The following RBFOX3 variants were observed in gnomAD, a reference collection of about 807,000 sequenced individuals.
The protein encoded by RBFOX3 is RNA binding fox-1 homolog 3, also known as RNA binding protein fox-1 homolog 3.
Under a neutral mutation model 48.7 loss-of-function variants are expected in RBFOX3, and 17 were observed. That is an observed-to-expected ratio of 0.35 (90% CI 0.24 to 0.52). The LOEUF (loss-of-function observed/expected upper bound fraction) is 0.52. Among genes scored for constraint, RBFOX3 ranks in the 20% least tolerant of loss-of-function variants. The pLI is 0.94. For missense variants in RBFOX3, 382 were observed against 497.5 expected, an observed-to-expected ratio of 0.77 and a Z score of 2.21; for synonymous variants, 212 against 209.5, an observed-to-expected ratio of 1.01 and a Z score of -0.10.
Position 79,130,784 on chromosome 17 carries a change from C to T in RBFOX3, c.-33-15036G>A, listed in dbSNP as rs142220256. 1.8e-4 allele frequency among the ~76,000 whole-genome samples: 27 copies of T among 152,374 alleles called. No homozygotes were observed. In the East Asian group the frequency reaches 4.8e-3, roughly 27 times the overall value. On this transcript the variant is annotated intron_variant, in intron 4 of 14. Transcript: ENST00000693108. Reference sequence around the variant, plus strand: ...GAGTGGAGTGCCCTGTCCTTCAGCCCGGGCTTGGTGCGGGATGGGGCCTGC... The same window carrying T: ...GAGTGGAGTGCCCTGTCCTTCAGCCTGGGCTTGGTGCGGGATGGGGCCTGC...
chr17:79,205,297 G>T lies in RBFOX3; in HGVS notation c.-34+30469C>A, dbSNP rs922093365. Reference sequence around the variant, plus strand: ...AACACCATCATTTCTGCCAGTTAGAGTGGGGGTCCACAGAAACCCAGGGAT... The same window carrying T: ...AACACCATCATTTCTGCCAGTTAGATTGGGGGTCCACAGAAACCCAGGGAT... On this transcript the variant is annotated intron_variant, in intron 4 of 14. Coordinates refer to ENST00000693108, the MANE Select transcript of RBFOX3 (RefSeq NM_001350451.2). This position sits in a 1 kb window ranked among gnomAD's most constrained non-coding sequence, Gnocchi z 4.5. 1.3e-5 allele frequency among the ~76,000 whole-genome samples: 2 copies of T among 152,146 alleles called. No individual in the cohort carries two copies. The highest frequency in any genetic ancestry group is 4.8e-5 in the African/African-American group (2 of 41,422).
rs1249618769 is a variant in RBFOX3 at position 79,103,930 on chromosome 17, G to A, written c.414+143C>T. On this transcript the variant is annotated intron_variant, in intron 7 of 14. Transcript: ENST00000693108. The surrounding 1 kb of genome is among the most constrained non-coding windows in gnomAD (Gnocchi z 6.1). ...GGGTGGGGGCGGGGCGGGTGGGGGC[G>A]GAAGAGCGGGGAATACAAGCACCCG... 1.0e-4 allele frequency: 70 copies of A among 685,898 alleles called. No individual in the cohort carries two copies. The Middle Eastern group carries it at 1.2e-3, about 12-fold the overall frequency. The allele number at this position is 685,898 out of a possible 1,614,324, so 42.5% of individuals were successfully genotyped here. A position where few individuals can be genotyped will look rare whatever the true frequency, so the allele number is the denominator to read the frequency against.
intron 2 of RBFOX3, among the ~76,000 whole-genome samples, chr17:79,341,411 C>A (rs1003616369): frequency 2.0e-5 from 3 of 152,254 alleles, no homozygotes; most frequent in Non-Finnish European, 2.9e-5. Context: ...TTGTTTACAA[C>A]TTCCCATTAT....
chr17:79,530,633 A>G (rs1242814731), intron 1 of RBFOX3, among the ~76,000 whole-genome samples: 5 of 152,116 alleles, frequency 3.3e-5, no homozygotes, highest in Non-Finnish European at 7.4e-5. Context: ...GATCAGCGCC[A>G]GCCTGTGTAG....
At chr17:79,621,486 C>T in the RBFOX3 span, among the ~76,000 whole-genome samples, 10 of 152,296 alleles carry the variant, frequency 6.6e-5, no homozygotes, top group South Asian at 4.1e-4. Flanking sequence ...AGTAAAAGCA[C>T]GTCTCTACCA....
At chr17:79,509,723 C>T (rs1432891437) in intron 1 of RBFOX3, among the ~76,000 whole-genome samples, 1 of 151,926 alleles carries the variant, frequency 6.6e-6, no homozygotes, top group African/African-American at 2.4e-5. Context: ...CCCTCGGTGA[C>T]AGCTGGGGTA....
At chr17:79,310,309 C>T (rs1053637926) in intron 2 of RBFOX3, among the ~76,000 whole-genome samples, 1 of 152,106 alleles carries the variant, frequency 6.6e-6, no homozygotes, top group African/African-American at 2.4e-5. Context: ...GGGTCCAGGC[C>T]CTTCACAGTC....
rs758394514 is a variant in RBFOX3, at chr17:79,363,352, C to T, written c.-174-55528G>A. On this transcript the variant is annotated intron_variant, in intron 2 of 14. Coordinates refer to ENST00000693108, the MANE Select transcript of RBFOX3 (RefSeq NM_001350451.2). The surrounding 1 kb of genome is among the most constrained non-coding windows in gnomAD (Gnocchi z 4.7). ...CTCTTGGCAACGCCAGGGAGAGGAACAGGATTCCTGGGATACCCAGGAAGT... is the reference window on the plus strand; with the variant it reads ...CTCTTGGCAACGCCAGGGAGAGGAATAGGATTCCTGGGATACCCAGGAAGT... 1.3e-5 allele frequency among the ~76,000 whole-genome samples: 2 copies of T among 152,126 alleles called. No homozygotes were observed. The highest frequency in any genetic ancestry group is 2.4e-5 in the African/African-American group (1 of 41,412).
At chr17:79,537,131 A>C (rs1276325345) in intron 1 of RBFOX3, among the ~76,000 whole-genome samples, 1 of 151,200 alleles carries the variant, frequency 6.6e-6, no homozygotes, top group East Asian at 1.9e-4. Flanking sequence ...AAAAAAAAAA[A>C]CCAAAAAAGC....
the RBFOX3 span, among the ~76,000 whole-genome samples, chr17:79,640,911 A>AT: frequency 5.9e-5 from 9 of 152,178 alleles, no homozygotes; most frequent in Non-Finnish European, 1.0e-4. Context: ...ATTTTTTTGG[A>AT]TATGACACCA....
rs777299657 is a variant in RBFOX3, at chr17:79,254,528, T to TGAG, written c.-73-18726_-73-18724dup. On this transcript the variant is annotated intron_variant, in intron 3 of 14. Coordinates refer to ENST00000693108, the MANE Select transcript of RBFOX3 (RefSeq NM_001350451.2). The surrounding 1 kb of genome is among the most constrained non-coding windows in gnomAD (Gnocchi z 4.8). ...TGCTAAGCCTGTAGGTGACCCTGAC[T>TGAG]GAGGGTTCTGGGGCTAGAGATGGAG... Among the ~76,000 whole-genome samples the TGAG allele has an allele frequency of 2.2e-4, 34 of 152,302 alleles. No individual in the cohort carries two copies. The highest frequency in any genetic ancestry group is 3.1e-4 in the Non-Finnish European group (21 of 68,020).
intron 2 of RBFOX3, among the ~76,000 whole-genome samples, chr17:79,350,837 G>A (rs1454651731): frequency 6.6e-6 from 1 of 152,192 alleles, no homozygotes; most frequent in African/African-American, 2.4e-5. Flanking sequence ...TCTGAGCTCA[G>A]GCGCCCCCAT....
At chr17:79,556,222 T>C (rs1243758324) in intron 1 of RBFOX3, among the ~76,000 whole-genome samples, 2 of 152,050 alleles carry the variant, frequency 1.3e-5, no homozygotes, top group Non-Finnish European at 2.9e-5. Flanking sequence ...TCTCCACTCC[T>C]CCCTCCCTGC....
chr17:79,414,606 T>G lies in RBFOX3; in HGVS notation c.-175+67848A>C, dbSNP rs567754707. 2.6e-5 allele frequency among the ~76,000 whole-genome samples: 4 copies of G among 152,310 alleles called. No homozygotes were observed. In the East Asian group the frequency reaches 7.7e-4, roughly 29 times the overall value. On this transcript the variant is annotated intron_variant, in intron 2 of 14. Transcript: ENST00000693108. ...CTGTCCGTCTGGCTGTCTGTTCGCC[T>G]GCCTGCCTGCTCCAGGCTGCGGACT...
chr17:79,621,526 T>C, the RBFOX3 span, among the ~76,000 whole-genome samples: 1 of 152,220 alleles, frequency 6.6e-6, no homozygotes, highest in Non-Finnish European at 1.5e-5. Context: ...CACTGAATCA[T>C]GTTGGTCGTT....
At chr17:79,495,549 G>T in intron 1 of RBFOX3, among the ~76,000 whole-genome samples, 1 of 15,896 alleles carries the variant, frequency 6.3e-5, no homozygotes, top group Non-Finnish European at 1.6e-4. Flanking sequence ...GGGAGGTGGG[G>T]GCAGGGGTAC....
intron 1 of RBFOX3, chr17:79,600,391 T>C (rs2093678693): frequency 6.6e-6 from 1 of 152,080 alleles, no homozygotes. Flanking sequence ...ATGTGTGCAC[T>C]GATATGCACG....
At chr17:79,617,189 C>T in the RBFOX3 span, among the ~76,000 whole-genome samples, 1 of 152,174 alleles carries the variant, frequency 6.6e-6, no homozygotes, top group Admixed American at 6.5e-5. Flanking sequence ...TCTTCCTGCT[C>T]CCTTTCAAAT....
intron 3 of RBFOX3, among the ~76,000 whole-genome samples, chr17:79,288,549 C>T (rs1164538723): frequency 2.6e-5 from 4 of 151,952 alleles, no homozygotes; most frequent in East Asian, 1.9e-4. Flanking sequence ...CACTGCAAAA[C>T]GTGATGGGCA....
Sources: gnomAD v4.1 joint callset for allele counts (sites outside exome capture counted in the v4.1 genomes callset) on GRCh38, gnomAD v4.1.1 for gene constraint, Gnocchi (gnomAD v3.1) non-coding constraint, MANE v1.5 for transcripts, NCBI Gene and HGNC (gene_info 2026-07-23, HGNC 2026-07-21) for gene names.